PCDHA6: variants seen among roughly 807,000 people sequenced by gnomAD.
The protein encoded by PCDHA6 is protocadherin alpha 6.
PCDHA6 carries 55 observed loss-of-function variants against 60.3 expected under a neutral mutation model. That is an observed-to-expected ratio of 0.91 (90% CI 0.73 to 1.14). The LOEUF is 1.14. Ranked by LOEUF, PCDHA6 falls within the 50% of genes most tolerant of loss-of-function variation. PCDHA6 has a pLI of 0.00. For missense variants in PCDHA6, 1,327 were observed against 1,256.5 expected (o/e 1.06, Z -0.85); for synonymous variants, 652 against 557.9 (o/e 1.17, Z -2.38).
intron 1 of PCDHA6, chr5:140,849,050 CAA>C: frequency 6.4e-7 from 1 of 1,560,214 alleles, no homozygotes. Context: ...TGCCAACCAG[CAA>C]CCAGCAGGTA....
At chr5:140,931,396 G>C (rs1554208395) in intron 1 of PCDHA6, among the ~76,000 whole-genome samples, 1 of 152,000 alleles carries the variant, frequency 6.6e-6, no homozygotes, top group Non-Finnish European at 1.5e-5. Flanking sequence ...ATAAGTAAGC[G>C]ATAGGAAGGC....
chr5:140,857,755 T>G (rs1427129030), intron 1 of PCDHA6: 1 of 1,597,184 alleles, frequency 6.3e-7, no homozygotes, highest in Non-Finnish European at 8.6e-7. Flanking sequence ...CGTCTCCCGC[T>G]GGCAGCGCGG....
At chr5:140,949,263 C>G (rs1210516513) in intron 1 of PCDHA6, among the ~76,000 whole-genome samples, 1 of 151,714 alleles carries the variant, frequency 6.6e-6, no homozygotes, top group Non-Finnish European at 1.5e-5. Context: ...GAACATATCA[C>G]GTGCACTTGA....
Position 140,934,368 on chromosome 5 carries a change from CCTT to C in PCDHA6, c.2395-44578_2395-44576del, listed in dbSNP as rs1168343483. Among the ~76,000 whole-genome samples, 5 of 152,220 alleles carry C rather than the reference CCTT, an allele frequency of 3.3e-5. No homozygotes were observed. In the South Asian group the frequency reaches 1.0e-3, roughly 32 times the overall value. On this transcript the variant is annotated intron_variant, in intron 1 of 3. Transcript: ENST00000529310. ...ACAGTGTGGAGCCACTGCTTTGACT[CCTT>C]CTGTGGTTCTATGGTGGCCAGCTTT...
intron 1 of PCDHA6, chr5:140,967,438 C>T: frequency 6.2e-7 from 1 of 1,613,548 alleles, no homozygotes; most frequent in South Asian, 1.1e-5. Flanking sequence ...CCTTGCACCA[C>T]CTGGTTCTCA....
chr5:140,962,796 A>T (rs1248367259), intron 1 of PCDHA6, among the ~76,000 whole-genome samples: 1 of 152,222 alleles, frequency 6.6e-6, no homozygotes, highest in Non-Finnish European at 1.5e-5. Flanking sequence ...ACTACTTTGG[A>T]CAACTCTAAA....
intron 1 of PCDHA6, chr5:140,882,432 A>G: frequency 6.2e-7 from 1 of 1,614,052 alleles, no homozygotes; most frequent in Non-Finnish European, 8.5e-7. Context: ...CTGGGGCTGG[A>G]GCTGGCGGAG....
At chr5:140,850,114 C>A (rs2150468329) in intron 1 of PCDHA6, 7 of 1,595,992 alleles carry the variant, frequency 4.4e-6, no homozygotes, top group Non-Finnish European at 5.1e-6. Flanking sequence ...GCGCGCGACG[C>A]GGGCGTGCCG....
chr5:140,967,431 T>G, intron 1 of PCDHA6: 1 of 1,613,498 alleles, frequency 6.2e-7, no homozygotes, highest in Non-Finnish European at 8.5e-7. Flanking sequence ...CAGGCAGCCT[T>G]GCACCACCTG....
Position 140,982,348 on chromosome 5 carries a change from T to C in PCDHA6, c.2454-127T>C, listed in dbSNP as rs1253085859. 9 of 1,495,962 alleles carry C rather than the reference T, an allele frequency of 6.0e-6. No homozygotes were observed. The Admixed American group carries it at 1.7e-4, about 28-fold the overall frequency. 92.7% of individuals were successfully genotyped at this position (1,495,962 alleles called of 1,614,324 possible). On this transcript the variant is annotated intron_variant, in intron 2 of 3. Transcript: ENST00000529310. Reference sequence around the variant, plus strand: ...ACTGCTCAGCAGTAATTGCTTCAGTTCAAGCATGAGCAGAATGTGTTAGCT... The same window carrying C: ...ACTGCTCAGCAGTAATTGCTTCAGTCCAAGCATGAGCAGAATGTGTTAGCT...
At chr5:140,927,547 G>A (rs2084343936) in intron 1 of PCDHA6, 2 of 1,614,126 alleles carry the variant, frequency 1.2e-6, no homozygotes, top group Non-Finnish European at 8.5e-7. Flanking sequence ...AGACGCACAA[G>A]TCACCATCAT....
At chr5:140,980,684 GAAAA>G (rs782726576) in intron 2 of PCDHA6, among the ~76,000 whole-genome samples, 3 of 145,064 alleles carry the variant, frequency 2.1e-5, no homozygotes, top group Non-Finnish European at 4.6e-5. Flanking sequence ...TTTTCAAATT[GAAAA>G]AAAAAAGCCA....
intron 1 of PCDHA6, chr5:140,968,323 C>T (rs1554230616): frequency 1.2e-6 from 2 of 1,614,114 alleles, no homozygotes; most frequent in East Asian, 2.2e-5. Flanking sequence ...TGCCAGTCAC[C>T]TCCTATGTCT....
In PCDHA6 at chr5:140,830,251, GCTGCGGTGCTCGGCGCCAC is replaced by G. The variant is rs2150183529; in HGVS notation, c.2162_2180del (p.Leu721ProfsTer56). 97 of 1,613,774 alleles carry G rather than the reference GCTGCGGTGCTCGGCGCCAC, an allele frequency of 6.0e-5. No homozygotes were observed. The highest frequency in any genetic ancestry group is 1.6e-4 in the Middle Eastern group (1 of 6,072). On this transcript the variant is annotated frameshift_variant, in exon 1 of 4. Coordinates refer to ENST00000529310, the MANE Select transcript of PCDHA6 (RefSeq NM_018909.4). LOFTEE classifies it high-confidence loss of function. ...TCCTCACGCTACTGCTGTACACAGC[GCTGCGGTGCTCGGCGCCAC>G]CCACCGAGGGCGCGTGCACGGCGGA...
rs143527239 is a variant in PCDHA6, at chr5:140,842,140, C to G, written c.2394+11655C>G. The G allele has an allele frequency of 5.6e-4, 901 of 1,613,016 alleles. 21 individuals are homozygous for G. Among genetic ancestry groups the G allele is most frequent in the Admixed American group, 4.6e-3 (273 of 59,984 alleles). On this transcript the variant is annotated intron_variant, in intron 1 of 3. Coordinates refer to ENST00000529310, the MANE Select transcript of PCDHA6 (RefSeq NM_018909.4). ...ATGCTTCTGATCCGGATGAAGGAGC[C>G]AATGGGGCAATTTCATATTCTTTTA...
intron 1 of PCDHA6, among the ~76,000 whole-genome samples, chr5:140,840,839 T>C (rs1165670429): frequency 6.6e-6 from 1 of 152,038 alleles, no homozygotes; most frequent in Non-Finnish European, 1.5e-5. Context: ...TAAATATTAA[T>C]GCATTTCTTC....
intron 1 of PCDHA6, chr5:140,843,803 T>C: frequency 7.7e-7 from 1 of 1,305,734 alleles, no homozygotes. Context: ...TTTTTCACCG[T>C]ATTTTATAGT....
At chr5:140,867,175 C>T (rs782419499) in intron 1 of PCDHA6, 5 of 152,056 alleles carry the variant, frequency 3.3e-5, no homozygotes, top group Admixed American at 1.3e-4. Context: ...GGTTCATTTC[C>T]CTACCTCGCA....
chr5:140,987,096 C>T (rs1266691790), intron 3 of PCDHA6, among the ~76,000 whole-genome samples: 3 of 151,912 alleles, frequency 2.0e-5, no homozygotes, highest in African/African-American at 7.3e-5. Context: ...TGCCTGTAAT[C>T]CCAGCTACTC....
Sources: gnomAD v4.1 joint callset for allele counts (sites outside exome capture counted in the v4.1 genomes callset) on GRCh38, gnomAD v4.1.1 for gene constraint, MANE v1.5 for transcripts, NCBI Gene and HGNC (gene_info 2026-07-23, HGNC 2026-07-21) for gene names.